Variants in VWDE observed in about 807,000 individuals in gnomAD.
The protein encoded by VWDE is von Willebrand factor D and EGF domains, also known as von Willebrand factor D and EGF domain-containing protein.
In VWDE, 207 loss-of-function variants were observed where a neutral mutation model predicts 178.4. The observed-to-expected ratio is 1.16, with a 90% confidence interval of 1.04 to 1.30. The LOEUF (loss-of-function observed/expected upper bound fraction) is 1.30. VWDE is among the 50% of genes most tolerant of loss of function. The pLI is 0.00. For synonymous variants in VWDE, 738 were observed against 651.4 expected (o/e 1.13, Z -2.02); for missense variants, 2,287 against 1,901.3 (o/e 1.20, Z -3.77).
chr7:12,370,678 C>T lies in VWDE; in HGVS notation c.1774G>A (p.Val592Ile), dbSNP rs1333186165. 8.4e-6 allele frequency: 13 copies of T among 1,550,866 alleles called. No homozygotes were observed. Among genetic ancestry groups the T allele is most frequent in the African/African-American group, 5.5e-5 (4 of 72,950 alleles). ...TACCTCCATTCATTAATAAAAGCAA[C>T]ATAATTGTTAAAATTTTGATCAATT... ...MQIDQNFNNY[V>I]AFINEWRILP... The change falls in exon 11 of 29, where the codon GTT becomes ATT. Residue 592 changes from valine to isoleucine, a missense_variant. Val to Ile is a conservative substitution (Grantham distance 29). Transcript: ENST00000275358.
At chr7:12,365,851 G>A (rs1382096263) in intron 13 of VWDE, among the ~76,000 whole-genome samples, 1 of 152,098 alleles carries the variant, frequency 6.6e-6, no homozygotes, top group African/African-American at 2.4e-5. Flanking sequence ...GTTTGGGCAA[G>A]TGAACATCTT....
chr7:12,362,549 C>T (rs889974413), intron 13 of VWDE, among the ~76,000 whole-genome samples: 2 of 151,940 alleles, frequency 1.3e-5, no homozygotes, highest in African/African-American at 4.8e-5. Flanking sequence ...CGGATAACTA[C>T]GTAGGAAACC....
chr7:12,394,016 CTTAAGCT>C (rs1784513500), intron 1 of VWDE, among the ~76,000 whole-genome samples: 1 of 152,158 alleles, frequency 6.6e-6, no homozygotes, highest in Admixed American at 6.5e-5. Flanking sequence ...TTTTGAAACA[CTTAAGCT>C]TTAAGAACTT....
chr7:12,368,774 A>C lies in VWDE; in HGVS notation c.2761+771T>G, dbSNP rs1477537272. Among the ~76,000 whole-genome samples the C allele has an allele frequency of 6.6e-5, 10 of 152,236 alleles. No homozygotes were observed. In the East Asian group the frequency reaches 1.9e-3, roughly 29 times the overall value. ...GAGAATCTACGATAATCTGAGGGGG[A>C]AATAATGGTGGCTTGGACTATGGTT... On this transcript the variant is annotated intron_variant, in intron 12 of 28. Transcript: ENST00000275358.
At chr7:12,383,635 C>A (rs1184984621) in intron 3 of VWDE, 34 bp from the exon 4 acceptor site, 1 of 1,531,052 alleles carries the variant, frequency 6.5e-7, no homozygotes, top group Non-Finnish European at 8.9e-7. Flanking sequence ...AATTATTCAG[C>A]TGGGCATGAA....
chr7:12,348,241 A>C (rs1407327648), intron 19 of VWDE, among the ~76,000 whole-genome samples: 2 of 147,522 alleles, frequency 1.4e-5, no homozygotes, highest in African/African-American at 5.2e-5. Flanking sequence ...TAATTAAACT[A>C]AAGAGCTTCT....
intron 18 of VWDE, among the ~76,000 whole-genome samples, chr7:12,355,197 A>G (rs900495421): frequency 2.0e-5 from 3 of 152,080 alleles, no homozygotes; most frequent in African/African-American, 4.8e-5. Context: ...TGGGCGGATC[A>G]CGAGGTCAGG....
rs878868348 is a variant in VWDE, at chr7:12,393,648, C to T, written c.189G>A (p.Trp63Ter). The change falls in exon 2 of 29, where the codon TGG becomes TGA. Residue 63 changes from tryptophan (W) to a stop codon, truncating the protein, a stop_gained. Coordinates refer to ENST00000275358, the MANE Select transcript of VWDE (RefSeq NM_001135924.3). LOFTEE classifies it high-confidence loss of function. The part of the protein sequence containing the change: ...LICDHSLSPG[W>*]YRFLILDRPA... ...GTCTGTCAAGGATGAGAAATCTATA[C>T]CATCCAGGGGAGAGGGAATGGTCAC... 6.4e-7 allele frequency: 1 copy of T among 1,550,842 alleles called. No individual in the cohort carries two copies. The highest frequency in any genetic ancestry group is 2.4e-5 in the East Asian group (1 of 40,906).
Position 12,336,281 on chromosome 7 carries a change from C to A in VWDE, c.4559-45G>T. 3.4e-6 allele frequency: 5 copies of A among 1,481,208 alleles called. No individual in the cohort carries two copies. In the South Asian group the frequency reaches 6.1e-5, roughly 18 times the overall value. The allele number at this position is 1,481,208 out of a possible 1,614,324, so 91.8% of individuals were successfully genotyped here. A position where few individuals can be genotyped will look rare whatever the true frequency, so the allele number is the denominator to read the frequency against. On this transcript the variant is annotated intron_variant, in intron 26 of 28. Transcript: ENST00000275358. ...CAAGTTAAAATTTTAAATTACTAGT[C>A]AAATCCTATCCATAACCCACAAAAC...
chr7:12,363,724 C>T lies in VWDE; in HGVS notation c.2899-2203G>A, dbSNP rs565731572. ...GATGACAGGGATGACAAGAAAGTAA[C>T]AATTCTATGTGCATACCTTTGTATA... On this transcript the variant is annotated intron_variant, in intron 13 of 28. Transcript: ENST00000275358. Among the ~76,000 whole-genome samples the T allele has an allele frequency of 1.7e-4, 26 of 152,020 alleles. No individual in the cohort carries two copies. In the South Asian group the frequency reaches 5.4e-3, roughly 32 times the overall value.
At chr7:12,339,256 C>A (rs1238967853) in intron 24 of VWDE, among the ~76,000 whole-genome samples, 1 of 152,156 alleles carries the variant, frequency 6.6e-6, no homozygotes, top group Non-Finnish European at 1.5e-5. Context: ...ACTTATACAA[C>A]TGGCATATAC....
In VWDE at chr7:12,373,083, A is replaced by C; in HGVS notation, c.1481T>G (p.Met494Arg). 1.3e-6 allele frequency: 2 copies of C among 1,551,330 alleles called. No homozygotes were observed. Among genetic ancestry groups the C allele is most frequent in the Non-Finnish European group, 1.7e-6 (2 of 1,146,764 alleles). Residue 494 changes from methionine to arginine, a missense_variant, in exon 10 of 29, where the codon ATG becomes AGG. Met to Arg is a moderately conservative substitution (Grantham distance 91, BLOSUM62 -1). Transcript: ENST00000275358. Reference protein sequence around the residue: ...QEGGDIVTFDMCNGQLRESQP... With the variant: ...QEGGDIVTFDRCNGQLRESQP... ...TGATTCACGTAGCTGACCATTGCAC[A>C]TATCAAAAGTAACTATATCACCTCC... is the stretch of plus-strand genomic sequence containing the variant.
intron 1 of VWDE, among the ~76,000 whole-genome samples, chr7:12,396,934 T>G (rs190052029): frequency 6.6e-6 from 1 of 151,988 alleles, no homozygotes; most frequent in Non-Finnish European, 1.5e-5. Context: ...AAACTCTGTC[T>G]CAAAAATAAA....
chr7:12,380,885 TA>T (rs1258786513), intron 4 of VWDE, among the ~76,000 whole-genome samples, 152 bp from the exon 5 acceptor site: 3 of 152,178 alleles, frequency 2.0e-5, no homozygotes, highest in Non-Finnish European at 2.9e-5. Flanking sequence ...ATCAACAAAG[TA>T]ATACTTTCAT....
intron 18 of VWDE, among the ~76,000 whole-genome samples, chr7:12,353,179 A>G (rs1045328572): frequency 1.3e-5 from 2 of 152,204 alleles, no homozygotes; most frequent in African/African-American, 2.4e-5. Context: ...TGGAGGCTCA[A>G]TGATCCAAGA....
chr7:12,396,763 AAAAAAAATAC>A (rs1278836946), intron 1 of VWDE, among the ~76,000 whole-genome samples: 3 of 151,894 alleles, frequency 2.0e-5, no homozygotes, highest in Admixed American at 6.6e-5. Flanking sequence ...TTAAAAAAAA[AAAAAAAATAC>A]AAAAATACAA....
intron 24 of VWDE, among the ~76,000 whole-genome samples, chr7:12,338,592 G>A (rs1220188732): frequency 2.0e-5 from 3 of 151,870 alleles, no homozygotes; most frequent in African/African-American, 4.8e-5. Context: ...TATATACAAA[G>A]GGCATACAAT....
At chr7:12,347,738 G>A (rs1562470042) in intron 19 of VWDE, among the ~76,000 whole-genome samples, 1 of 152,004 alleles carries the variant, frequency 6.6e-6, no homozygotes, top group Non-Finnish European at 1.5e-5. Context: ...AAGTTCATAT[G>A]GAACCAAAAA....
intron 1 of VWDE, among the ~76,000 whole-genome samples, chr7:12,396,804 G>A (rs908228958): frequency 2.2e-4 from 33 of 151,876 alleles, no homozygotes; most frequent in Non-Finnish European, 4.1e-4. Flanking sequence ...GTGTTGTGGT[G>A]CATGCCTGTA....
Sources: gnomAD v4.1 joint callset for allele counts (sites outside exome capture counted in the v4.1 genomes callset) on GRCh38, gnomAD v4.1.1 for gene constraint, MANE v1.5 for transcripts, NCBI Gene and HGNC (gene_info 2026-07-23, HGNC 2026-07-21) for gene names.